ZZEF1: variants seen among roughly 807,000 people sequenced by gnomAD.
The protein encoded by ZZEF1 is zinc finger ZZ-type and EF-hand domain containing 1.
Under a neutral mutation model 342.8 loss-of-function variants are expected in ZZEF1, and 157 were observed. That is an observed-to-expected ratio of 0.46 (90% CI 0.40 to 0.52). The LOEUF (loss-of-function observed/expected upper bound fraction) is 0.52, where lower values mean the gene tolerates loss of function less well. ZZEF1 is among the 20% of genes least tolerant of loss of function. The pLI is 0.00. For missense variants in ZZEF1, 3,480 were observed against 3,725.6 expected (o/e 0.93, Z 1.72); for synonymous variants, 1,505 against 1,429.1 (o/e 1.05, Z -1.20).
At chr17:4,057,850 A>G (rs1001907637) in intron 32 of ZZEF1, 144 bp downstream of exon 32, 19 of 744,862 alleles carry the variant, frequency 2.6e-5, no homozygotes, top group Non-Finnish European at 4.0e-5. Context: ...AGACTTGCGC[A>G]AGGCCACTCG....
At chr17:4,083,940 A>T (rs768502073) in intron 16 of ZZEF1, among the ~76,000 whole-genome samples, 16 of 152,126 alleles carry the variant, frequency 1.1e-4, no homozygotes, top group Non-Finnish European at 1.9e-4. Context: ...AAATAATTCT[A>T]TTAGTTGCTT....
Position 4,008,851 on chromosome 17 carries a change from G to A in ZZEF1, c.8805+32C>T. 5 of 1,542,432 alleles carry A rather than the reference G, an allele frequency of 3.2e-6. No individual in the cohort carries two copies. Among genetic ancestry groups the A allele is most frequent in the Non-Finnish European group, 4.4e-6 (5 of 1,146,370 alleles). ...TGGTGAGATGGTGGCGCCCCAGCCT[G>A]GGGGCCAGCTCTGTTGGGGTGGAGA... On this transcript the variant is annotated intron_variant, in intron 54 of 54. Transcript: ENST00000381638. This position sits in a 1 kb window ranked among gnomAD's most constrained non-coding sequence, Gnocchi z 4.2.
rs571435958 is a variant in ZZEF1 at position 4,123,745 on chromosome 17, G to C, written c.499+162C>G. Reference sequence around the variant, plus strand: ...GAACTGCTTAGCCACCACCGTACTGGGGATGAAAGAGATGACTAAAGGAAA... The same window carrying C: ...GAACTGCTTAGCCACCACCGTACTGCGGATGAAAGAGATGACTAAAGGAAA... On this transcript the variant is annotated intron_variant, in intron 2 of 54. Coordinates refer to ENST00000381638, the MANE Select transcript of ZZEF1 (RefSeq NM_015113.4). 2.1e-3 allele frequency among the ~76,000 whole-genome samples: 315 copies of C among 152,208 alleles called. 1 individual carries two copies. The highest frequency in any genetic ancestry group is 7.1e-3 in the African/African-American group (295 of 41,512).
At chr17:4,018,632 G>A (rs1292375693) in intron 46 of ZZEF1, among the ~76,000 whole-genome samples, 1 of 152,150 alleles carries the variant, frequency 6.6e-6, no homozygotes, top group Admixed American at 6.5e-5. Flanking sequence ...TTATTTGAAC[G>A]CAGTCTGAAC....
chr17:4,107,213 G>A (rs976555335), intron 6 of ZZEF1, among the ~76,000 whole-genome samples: 2 of 152,104 alleles, frequency 1.3e-5, no homozygotes, highest in Admixed American at 6.5e-5. Context: ...AAAAAGGCAG[G>A]AGTGCATGAA....
In ZZEF1 at chr17:4,074,506, C is replaced by T. The variant is rs77080141; in HGVS notation, c.3484-155G>A. Among the ~76,000 whole-genome samples, 1,040 of 152,222 alleles carry T rather than the reference C, an allele frequency of 6.8e-3. 18 individuals carry two copies. Among genetic ancestry groups the T allele is most frequent in the African/African-American group, 0.024 (997 of 41,528 alleles). ...AACGGAGAAATGTACAAAGGGGTGA[C>T]GGAAACAGACCATTCACAGCCACAC... On this transcript the variant is annotated intron_variant, in intron 23 of 54. Transcript: ENST00000381638.
intron 34 of ZZEF1, 85 bp downstream of exon 34, chr17:4,053,972 C>T (rs1567797578): frequency 1.4e-6 from 2 of 1,465,980 alleles, no homozygotes; most frequent in Non-Finnish European, 1.8e-6. Context: ...ATTTAGTACA[C>T]TGAGAGTTTT....
At chr17:4,067,344 C>G in intron 26 of ZZEF1, 102 bp from the exon 27 acceptor site, 1 of 846,206 alleles carries the variant, frequency 1.2e-6, no homozygotes, top group Non-Finnish European at 1.8e-6. Flanking sequence ...CAGGAAAAGT[C>G]CTCCTGACAA....
Position 4,028,666 on chromosome 17 carries a change from CAAG to C in ZZEF1, c.6892+3457_6892+3459del, listed in dbSNP as rs1188173376. Reference sequence around the variant, plus strand: ...TCAGATTGGATTTTTTAAAAAAAGACAAGAAATCCACTTTAAATGTAAAGACAC... The same window carrying C: ...TCAGATTGGATTTTTTAAAAAAAGACAAATCCACTTTAAATGTAAAGACAC... On this transcript the variant is annotated intron_variant, in intron 42 of 54. Coordinates refer to ENST00000381638, the MANE Select transcript of ZZEF1 (RefSeq NM_015113.4). 3.3e-5 allele frequency among the ~76,000 whole-genome samples: 5 copies of C among 151,066 alleles called. No homozygotes were observed. In the East Asian group the frequency reaches 9.7e-4, roughly 29 times the overall value.
chr17:4,049,789 T>C lies in ZZEF1; in HGVS notation c.5934A>G (p.Pro1978=), dbSNP rs781853. The C allele has an allele frequency of 0.4, 649,034 of 1,613,402 alleles. 136,679 individuals are homozygous for C. The highest frequency in any genetic ancestry group is 0.75 in the African/African-American group (56,397 of 74,956). ...CTGACGCTCCGGTGGGCACAGTGAC[T>C]GGTAGGGCCTGATCTTCTAGGCTCG... ...GDSSLEDQAL[P]VTVPTGASEE... The change falls in exon 37 of 55, where the codon CCA becomes CCG. Residue 1978 remains proline (P), a synonymous_variant. Transcript: ENST00000381638.
At chr17:4,033,836 C>T (rs2056602200) in intron 40 of ZZEF1, 179 bp downstream of exon 40, 3 of 775,732 alleles carry the variant, frequency 3.9e-6, no homozygotes, top group Non-Finnish European at 2.0e-6. Flanking sequence ...TGGTGTTAAG[C>T]ACAGTTTTAA....
intron 29 of ZZEF1, 26 bp downstream of exon 29, chr17:4,064,335 C>G (rs763094761): frequency 6.5e-7 from 1 of 1,536,044 alleles, no homozygotes; most frequent in Non-Finnish European, 8.8e-7. Flanking sequence ...AAAGAGAAAG[C>G]GACAGGAAGG....
chr17:4,010,459 G>A (rs2055917453), intron 52 of ZZEF1, among the ~76,000 whole-genome samples: 1 of 151,750 alleles, frequency 6.6e-6, no homozygotes, highest in South Asian at 2.1e-4. Flanking sequence ...GGTAGCTCAC[G>A]CCTGTAATCC....
At chr17:4,084,727 G>C (rs2057787367) in intron 16 of ZZEF1, among the ~76,000 whole-genome samples, 1 of 152,182 alleles carries the variant, frequency 6.6e-6, no homozygotes, top group Non-Finnish European at 1.5e-5. Context: ...AGTGCTTATA[G>C]ATACTAAAAG....
In ZZEF1 at chr17:4,142,901, C is replaced by T; in HGVS notation, c.-6G>A. On this transcript the variant is annotated 5_prime_UTR_variant, in exon 1 of 55. Coordinates refer to ENST00000381638, the MANE Select transcript of ZZEF1 (RefSeq NM_015113.4). ...TGACTCGGAGCGTTCCCCATGGGGT[C>T]TCCGTCTTGGGCGCCTGGCTCTGCA... 1 of 1,334,358 alleles carries T rather than the reference C, an allele frequency of 7.5e-7. No individual in the cohort carries two copies. 82.7% of individuals were successfully genotyped at this position (1,334,358 alleles called of 1,614,324 possible). A position where few individuals can be genotyped will look rare whatever the true frequency, so the allele number is the denominator to read the frequency against.
Position 4,006,208 on chromosome 17 carries a change from T to G in ZZEF1, c.*682A>C, listed in dbSNP as rs1260153470. On this transcript the variant is annotated 3_prime_UTR_variant, in exon 55 of 55. Coordinates refer to ENST00000381638, the MANE Select transcript of ZZEF1 (RefSeq NM_015113.4). ...AACGTGAGGTGGAAACTGAAATATG[T>G]CAAAACAACAACTGAGGAACTGCGG... is the stretch of plus-strand genomic sequence containing the variant. The G allele has an allele frequency of 6.5e-6, 1 of 154,590 alleles. No individual in the cohort carries two copies. Among genetic ancestry groups the G allele is most frequent in the Non-Finnish European group, 1.4e-5 (1 of 69,630 alleles). 9.6% of individuals were successfully genotyped at this position (154,590 alleles called of 1,614,324 possible). A position where few individuals can be genotyped will look rare whatever the true frequency, so the allele number is the denominator to read the frequency against.
chr17:4,121,916 C>T (rs1255130041), intron 2 of ZZEF1, among the ~76,000 whole-genome samples: 1 of 152,038 alleles, frequency 6.6e-6, no homozygotes, highest in Non-Finnish European at 1.5e-5. Context: ...TGGGGTCTCA[C>T]TATGCTGCCC....
At chr17:4,081,067 A>G (rs1285648097) in intron 18 of ZZEF1, among the ~76,000 whole-genome samples, 1 of 151,982 alleles carries the variant, frequency 6.6e-6, no homozygotes, top group African/African-American at 2.4e-5. Flanking sequence ...GAGAGACTCC[A>G]TCTCTACAAA....
Position 4,074,254 on chromosome 17 carries a change from C to G in ZZEF1, c.3581G>C (p.Gly1194Ala), listed in dbSNP as rs2057565547. The change falls in exon 24 of 55, where the codon GGG becomes GCG. Residue 1194 changes from glycine to alanine, a missense_variant. Gly to Ala is a moderately conservative substitution (Grantham distance 60, BLOSUM62 0). Coordinates refer to ENST00000381638, the MANE Select transcript of ZZEF1 (RefSeq NM_015113.4). ...CCAAGACACGGCAACATCGGGCAGC[C>G]CACAGGCAGTGACAGTGAATTTGTA... ...WGYKFTVTAC[G>A]LPDVAVSWGL... 1.9e-6 allele frequency: 3 copies of G among 1,614,036 alleles called. No homozygotes were observed. Among genetic ancestry groups the G allele is most frequent in the African/African-American group, 2.7e-5 (2 of 74,900 alleles).
Sources: allele counts gnomAD v4.1 joint callset (sites outside exome capture counted in the v4.1 genomes callset), GRCh38; gene constraint gnomAD v4.1.1; non-coding constraint Gnocchi (gnomAD v3.1); transcripts MANE v1.5; gene names NCBI Gene and HGNC (gene_info 2026-07-23, HGNC 2026-07-21).